PCDHA3: variants seen among roughly 807,000 people sequenced by gnomAD.
PCDHA3 encodes protocadherin alpha-3.
PCDHA3 carries 41 observed loss-of-function variants against 62.2 expected under a neutral mutation model. The ratio of observed to expected loss-of-function variants is 0.66; its 90% CI spans 0.51 to 0.86. The LOEUF (loss-of-function observed/expected upper bound fraction) is 0.86, where lower values mean the gene tolerates loss of function less well. Among genes scored for constraint, PCDHA3 ranks in the 40% least tolerant of loss-of-function variants. PCDHA3 has a pLI of 0.00. For synonymous variants in PCDHA3, 640 were observed against 555.4 expected, an observed-to-expected ratio of 1.15 and a Z score of -2.14; for missense variants, 1,304 against 1,241.2, an observed-to-expected ratio of 1.05 and a Z score of -0.76.
rs782044159 is a variant in PCDHA3 at position 140,883,367 on chromosome 5, G to T, written c.2394+79776G>T. On this transcript the variant is annotated intron_variant, in intron 1 of 3. Transcript: ENST00000522353. Reference sequence around the variant, plus strand: ...CATCAGAGAAGACACTCAGCCTAGCGCCATTATTGCCCTAATCAGTGTGTC... The same window carrying T: ...CATCAGAGAAGACACTCAGCCTAGCTCCATTATTGCCCTAATCAGTGTGTC... The T allele has an allele frequency of 5.6e-6, 9 of 1,614,006 alleles. No homozygotes were observed. Among genetic ancestry groups the T allele is most frequent in the Non-Finnish European group, 7.6e-6 (9 of 1,180,038 alleles).
At chr5:140,929,213 A>G (rs199608631) in intron 1 of PCDHA3, 6 of 1,613,934 alleles carry the variant, frequency 3.7e-6, no homozygotes, top group Admixed American at 1.7e-5. Context: ...TTGCGTGGGG[A>G]GTACAATGCT....
intron 1 of PCDHA3, among the ~76,000 whole-genome samples, chr5:140,946,468 C>T (rs1249840749): frequency 1.3e-5 from 2 of 151,720 alleles, no homozygotes; most frequent in Non-Finnish European, 2.9e-5. Flanking sequence ...AATCCCACTA[C>T]TGGGTATATA....
At chr5:140,953,398 C>G (rs1247752047) in intron 1 of PCDHA3, among the ~76,000 whole-genome samples, 9 of 152,150 alleles carry the variant, frequency 5.9e-5, no homozygotes, top group Non-Finnish European at 7.3e-5. Flanking sequence ...GATTACAGTG[C>G]TGTTGCTCCT....
intron 1 of PCDHA3, among the ~76,000 whole-genome samples, chr5:140,925,696 A>G (rs2153579068): frequency 6.6e-6 from 1 of 150,926 alleles, no homozygotes; most frequent in African/African-American, 2.4e-5. Context: ...GTGGGTATCT[A>G]GCCTATTCTT....
At chr5:140,996,929 C>T (rs1437008519) in intron 3 of PCDHA3, among the ~76,000 whole-genome samples, 2 of 152,070 alleles carry the variant, frequency 1.3e-5, no homozygotes, top group African/African-American at 2.4e-5. Flanking sequence ...AAAAATATAG[C>T]ATTTTTGCAT....
rs930549883 is a variant in PCDHA3, at chr5:140,805,626, T to C, written c.2394+2035T>C. 6.6e-6 allele frequency: 6 copies of C among 905,476 alleles called. No homozygotes were observed. In the African/African-American group the frequency reaches 1.1e-4, roughly 16 times the overall value. The allele number at this position is 905,476 out of a possible 1,614,324, so 56.1% of individuals were successfully genotyped here. On this transcript the variant is annotated intron_variant, in intron 1 of 3. Transcript: ENST00000522353. ...AAATTTCTTTATGTAAGAAAATGTA[T>C]TGTGGTTTATTTATTGGGAAGTCTT...
Position 140,801,211 on chromosome 5 carries a change from G to A in PCDHA3, c.14G>A (p.Trp5Ter), listed in dbSNP as rs782110175. Reference sequence around the variant, plus strand: ...AAAATACTTGCAATGTTGTTCTCCTGGCGAGAAGATCCTGGAGCCCAGTGC... The same window carrying A: ...AAAATACTTGCAATGTTGTTCTCCTAGCGAGAAGATCCTGGAGCCCAGTGC... MLFS[W>*]REDPGAQCLL... The change falls in exon 1 of 4, where the codon TGG becomes TAG. Residue 5 changes from tryptophan (W) to a stop codon, truncating the protein, a stop_gained. Coordinates refer to ENST00000522353, the MANE Select transcript of PCDHA3 (RefSeq NM_018906.3). LOFTEE classifies it high-confidence loss of function. 6 of 1,605,724 alleles carry A rather than the reference G, an allele frequency of 3.7e-6. No homozygotes were observed. Among genetic ancestry groups the A allele is most frequent in the South Asian group, 2.2e-5 (2 of 90,372 alleles).
intron 1 of PCDHA3, among the ~76,000 whole-genome samples, chr5:140,957,690 T>G (rs2095375856): frequency 6.6e-6 from 1 of 152,060 alleles, no homozygotes; most frequent in South Asian, 2.1e-4. Context: ...ATCTAGACAA[T>G]GAACATTATG....
intron 3 of PCDHA3, among the ~76,000 whole-genome samples, chr5:140,997,683 T>C (rs782444752): frequency 6.6e-6 from 1 of 152,044 alleles, no homozygotes; most frequent in Non-Finnish European, 1.5e-5. Context: ...TGTGTGTGTG[T>C]GTGTGTGTGT....
At chr5:140,995,393 G>T (rs1267179638) in intron 3 of PCDHA3, among the ~76,000 whole-genome samples, 5 of 152,184 alleles carry the variant, frequency 3.3e-5, no homozygotes, top group Non-Finnish European at 7.3e-5. Flanking sequence ...GATAAAGCGG[G>T]ATGGCTCGAG....
chr5:140,928,998 CGT>C, intron 1 of PCDHA3: 1 of 1,613,902 alleles, frequency 6.2e-7, no homozygotes. Flanking sequence ...TACTTTTCTT[CGT>C]GTGTACCAAG....
chr5:140,932,474 A>G (rs1444534569), intron 1 of PCDHA3, among the ~76,000 whole-genome samples: 1 of 151,904 alleles, frequency 6.6e-6, no homozygotes, highest in African/African-American at 2.4e-5. Context: ...AGGAAATAGG[A>G]TATCTCCTCT....
chr5:140,831,520 C>CTTTTTTT (rs35178185), intron 1 of PCDHA3, among the ~76,000 whole-genome samples: 11 of 122,404 alleles, frequency 9.0e-5, no homozygotes, highest in Non-Finnish European at 1.6e-4. Context: ...TGCCCCCCAC[C>CTTTTTTT]TTTTTTTTTT....
intron 1 of PCDHA3, chr5:140,858,909 C>T (rs2150442831): frequency 5.4e-6 from 1 of 185,188 alleles, no homozygotes; most frequent in South Asian, 1.1e-4. Flanking sequence ...CGTACCACAG[C>T]TTATACTGCC....
intron 1 of PCDHA3, among the ~76,000 whole-genome samples, chr5:140,951,147 AATATAGT>A (rs1554219760): frequency 9.9e-6 from 1 of 100,716 alleles, no homozygotes; most frequent in African/African-American, 4.8e-5. Flanking sequence ...TATCTTATTG[AATATAGT>A]TATAGTAGCT....
In PCDHA3 at chr5:140,927,251, A is replaced by G. The variant is rs782356440; in HGVS notation, c.2395-51698A>G. The G allele has an allele frequency of 7.4e-6, 12 of 1,613,434 alleles. No homozygotes were observed. The Admixed American group carries it at 1.2e-4, about 16-fold the overall frequency. On this transcript the variant is annotated intron_variant, in intron 1 of 3. Transcript: ENST00000522353. The stretch of plus-strand genomic sequence containing the variant: ...ATTCACGTCCTGGACACCAATGACA[A>G]CTCACCTCTCTTTCCTGCCGGCGAC...
chr5:140,802,903 G>T lies in PCDHA3; in HGVS notation c.1706G>T (p.Arg569Leu). Residue 569 changes from arginine (R) to leucine (L), a missense_variant, in exon 1 of 4, where the codon CGG (arginine) becomes CTG (leucine). Coordinates refer to ENST00000522353, the MANE Select transcript of PCDHA3 (RefSeq NM_018906.3). ...AACGCGCCGGCACTGCTGATGCCTCGGGTGGGTGGCATCGGTGGCGCAGTG... is the reference window on the plus strand; with the variant it reads ...AACGCGCCGGCACTGCTGATGCCTCTGGTGGGTGGCATCGGTGGCGCAGTG... ...NDNAPALLMP[R>L]VGGIGGAVSE... The T allele has an allele frequency of 6.2e-7, 1 of 1,613,792 alleles. No homozygotes were observed.
chr5:140,823,197 CA>C (rs2150123316), intron 1 of PCDHA3: 69 of 1,613,746 alleles, frequency 4.3e-5, no homozygotes, highest in Non-Finnish European at 5.6e-5. Context: ...GCCACATCTT[CA>C]CGGTGTCTGC....
chr5:140,996,237 G>T (rs1169717703), intron 3 of PCDHA3, among the ~76,000 whole-genome samples: 1 of 152,186 alleles, frequency 6.6e-6, no homozygotes, highest in Non-Finnish European at 1.5e-5. Context: ...GTTGCTCAAG[G>T]CTGAGAAGTG....
Sources: gnomAD v4.1 joint callset for allele counts (sites outside exome capture counted in the v4.1 genomes callset) on GRCh38, gnomAD v4.1.1 for gene constraint, MANE v1.5 for transcripts, NCBI Gene and HGNC (gene_info 2026-07-23, HGNC 2026-07-21) for gene names.